Variants in ZNF844 observed in about 807,000 individuals in gnomAD.
ZNF844 encodes zinc finger protein 844.
In ZNF844, 11 loss-of-function variants were observed where a neutral mutation model predicts 11.4. That is an observed-to-expected ratio of 0.97 (90% CI 0.61 to 1.60). The LOEUF is 1.60. ZNF844 is among the 40% of genes most tolerant of loss of function. ZNF844 has a pLI of 0.00. For missense variants in ZNF844, 790 were observed against 796.8 expected, an observed-to-expected ratio of 0.99 and a Z score of 0.10; for synonymous variants, 248 against 260.3, an observed-to-expected ratio of 0.95 and a Z score of 0.46.
chr19:12,066,228 GGGTTTTTCAAAGGCA>G (rs1175096315), intron 1 of ZNF844, among the ~76,000 whole-genome samples: 2 of 151,760 alleles, frequency 1.3e-5, no homozygotes, highest in African/African-American at 4.8e-5. Context: ...ACTCGGCCAG[GGGTTTTTCAAAGGCA>G]GAATCGGGGA....
At chr19:12,074,499 TA>T (rs1485592520) in intron 3 of ZNF844, 78 bp downstream of exon 3, 1 of 998,312 alleles carries the variant, frequency 1.0e-6, no homozygotes, top group Admixed American at 2.7e-5. Context: ...AAGAAGCAAA[TA>T]AAGGAAATAT....
At position 12,075,398 on chromosome 19, in the gene ZNF844, A is replaced by G. The variant is rs1201003204; in HGVS notation, c.278A>G (p.Asn93Ser). The G allele has an allele frequency of 1.3e-6, 2 of 1,599,378 alleles. No individual in the cohort carries two copies. The highest frequency in any genetic ancestry group is 4.5e-5 in the East Asian group (2 of 44,414). Residue 93 changes from asparagine (N) to serine (S), a missense_variant, in exon 4 of 4, where the codon AAC (asparagine) becomes AGC (serine). Asn to Ser is a conservative substitution (Grantham distance 46, BLOSUM62 1). Coordinates refer to ENST00000439326, the MANE Select transcript of ZNF844 (RefSeq NM_001136501.3). Reference sequence around the variant, plus strand: ...AGCCAGATTCCAGATGACACACTGAACAAAAAAACTTCTCCTGGAGTAAAA... The same window carrying G: ...AGCCAGATTCCAGATGACACACTGAGCAAAAAAACTTCTCCTGGAGTAAAA... ...TSSQIPDDTL[N>S]KKTSPGVKSC...
Position 12,076,814 on chromosome 19 carries a change from A to C in ZNF844, c.1694A>C (p.Lys565Thr). 1 of 1,561,278 alleles carries C rather than the reference A, an allele frequency of 6.4e-7. No homozygotes were observed. The highest frequency in any genetic ancestry group is 8.7e-7 in the Non-Finnish European group (1 of 1,151,996). ...AGAAACCCTATAAGGAATATGGAAA[A>C]GCATTCAACAATTTCTCTTCCTTTC... is the stretch of plus-strand genomic sequence containing the variant. ...LERNPIRNME[K>T]HSTISLPFKY... is the part of the protein sequence containing the mutation. The change falls in exon 4 of 4, where the codon AAG (lysine) becomes ACG (threonine). Residue 565 changes from lysine to threonine, a missense_variant. Coordinates refer to ENST00000439326, the MANE Select transcript of ZNF844 (RefSeq NM_001136501.3).
intron 1 of ZNF844, among the ~76,000 whole-genome samples, chr19:12,069,934 C>A (rs1409798585): frequency 4.9e-5 from 6 of 122,322 alleles, no homozygotes; most frequent in Admixed American, 2.9e-4. Context: ...GTAGCCTGGA[C>A]AACAGTGAGA....
intron 1 of ZNF844, among the ~76,000 whole-genome samples, chr19:12,065,137 C>G (rs971465043): frequency 6.6e-6 from 1 of 152,026 alleles, no homozygotes; most frequent in African/African-American, 2.4e-5. Flanking sequence ...CCTCTCTGGA[C>G]AGCTCCGCGC....
In ZNF844 at chr19:12,076,310, T is replaced by C; in HGVS notation, c.1190T>C (p.Val397Ala). Reference sequence around the variant, plus strand: ...AGAAACCTTATGAATGCAAGCACTGTGGTAAAGCCTTCAATCGTTCCAGTT... The same window carrying C: ...AGAAACCTTATGAATGCAAGCACTGCGGTAAAGCCTTCAATCGTTCCAGTT... Reference protein sequence around the residue: ...LERNLMNASTVVKPSIVPVPF... With the variant: ...LERNLMNASTAVKPSIVPVPF... Residue 397 changes from valine to alanine, a missense_variant, in exon 4 of 4, where the codon GTG (valine) becomes GCG (alanine). By Grantham distance (64) the Val-to-Ala change is moderately conservative. Around this residue, in one of 3 missense-constraint regions of ZNF844, gnomAD observed 657 missense variants for 636.2 expected, o/e 1.03. Transcript: ENST00000439326. 6.2e-7 allele frequency: 1 copy of C among 1,613,870 alleles called. No homozygotes were observed. Among genetic ancestry groups the C allele is most frequent in the Non-Finnish European group, 8.5e-7 (1 of 1,179,862 alleles).
rs563121602 is a variant in ZNF844, at chr19:12,076,829, C to A, written c.1709C>A (p.Ser570Tyr). Residue 570 changes from serine (S) to tyrosine (Y), a missense_variant, in exon 4 of 4, where the codon TCT (serine) becomes TAT (tyrosine). Coordinates refer to ENST00000439326, the MANE Select transcript of ZNF844 (RefSeq NM_001136501.3). ...IRNMEKHSTI[S>Y]LPFKYMQQCT... ...AATATGGAAAAGCATTCAACAATTTCTCTTCCTTTCAAATACATGCAACAA... is the reference window on the plus strand; with the variant it reads ...AATATGGAAAAGCATTCAACAATTTATCTTCCTTTCAAATACATGCAACAA... 4.7e-5 allele frequency: 73 copies of A among 1,559,746 alleles called. 1 individual carries two copies. In the African/African-American group the frequency reaches 9.3e-4, roughly 20 times the overall value.
chr19:12,076,807 A>G lies in ZNF844; in HGVS notation c.1687A>G (p.Met563Val). The G allele has an allele frequency of 6.4e-7, 1 of 1,562,960 alleles. No individual in the cohort carries two copies. The highest frequency in any genetic ancestry group is 8.7e-7 in the Non-Finnish European group (1 of 1,152,800). Residue 563 changes from methionine to valine, a missense_variant, in exon 4 of 4, where the codon ATG becomes GTG. Physicochemically the swap from Met to Val is conservative, Grantham distance 21. Coordinates refer to ENST00000439326, the MANE Select transcript of ZNF844 (RefSeq NM_001136501.3). ...CCTGGAGAGAAACCCTATAAGGAAT[A>G]TGGAAAAGCATTCAACAATTTCTCT... ...HTLERNPIRNMEKHSTISLPF... is the reference protein window; with the variant it reads ...HTLERNPIRNVEKHSTISLPF...
chr19:12,068,730 C>T (rs1399982209), intron 1 of ZNF844, among the ~76,000 whole-genome samples: 1 of 152,216 alleles, frequency 6.6e-6, no homozygotes, highest in Admixed American at 6.5e-5. Flanking sequence ...TGATTAGATA[C>T]TTTTGCTTTC....
rs1420015450 is a variant in ZNF844, at chr19:12,064,860, C to G, written c.-14C>G. The G allele has an allele frequency of 9.7e-6, 15 of 1,549,786 alleles. No individual in the cohort carries two copies. The highest frequency in any genetic ancestry group is 1.3e-5 in the Non-Finnish European group (15 of 1,146,522). ...TGACTGCTTTGGACGTGGGAGTCAC[C>G]TGAAAGCCAGGAAATGGTGAGTGTG... is the stretch of plus-strand genomic sequence containing the variant. On this transcript the variant is annotated 5_prime_UTR_variant, in exon 1 of 4. Transcript: ENST00000439326.
chr19:12,073,775 C>T (rs886852495), intron 1 of ZNF844, among the ~76,000 whole-genome samples: 4 of 152,172 alleles, frequency 2.6e-5, no homozygotes, highest in East Asian at 1.9e-4. Context: ...GCCCAGGCAG[C>T]GCACCTTTCT....
chr19:12,064,731 A>T lies in ZNF844; in HGVS notation c.-143A>T, dbSNP rs1450712830. ...CGCGGGTCACATTGCCGTTCGCCTCAGTCTTTGGCCCCTCCCGCCGGGTGA... is the reference window on the plus strand; with the variant it reads ...CGCGGGTCACATTGCCGTTCGCCTCTGTCTTTGGCCCCTCCCGCCGGGTGA... On this transcript the variant is annotated 5_prime_UTR_variant, in exon 1 of 4. Transcript: ENST00000439326. The T allele has an allele frequency of 3.9e-6, 3 of 777,084 alleles. No homozygotes were observed. The highest frequency in any genetic ancestry group is 4.0e-6 in the Non-Finnish European group (2 of 498,446). 48.1% of individuals were successfully genotyped at this position (777,084 alleles called of 1,614,324 possible).
rs1029965705 is a variant in ZNF844, at chr19:12,077,230, G to C, written c.*109G>C. ...AAACCCTATGAGTGTAAGCAGTGTGGTAAAGCCTTCATTTCTTCCACTGCC... is the reference window on the plus strand; with the variant it reads ...AAACCCTATGAGTGTAAGCAGTGTGCTAAAGCCTTCATTTCTTCCACTGCC... On this transcript the variant is annotated 3_prime_UTR_variant, in exon 4 of 4. Coordinates refer to ENST00000439326, the MANE Select transcript of ZNF844 (RefSeq NM_001136501.3). The C allele has an allele frequency of 6.4e-7, 1 of 1,567,720 alleles. No individual in the cohort carries two copies. Among genetic ancestry groups the C allele is most frequent in the Non-Finnish European group, 8.8e-7 (1 of 1,141,708 alleles).
In ZNF844 at chr19:12,075,693, C is replaced by CA. The variant is rs1975802269; in HGVS notation, c.575dup (p.Asn192LysfsTer7). 1 of 1,613,656 alleles carries CA rather than the reference C, an allele frequency of 6.2e-7. No individual in the cohort carries two copies. Among genetic ancestry groups the CA allele is most frequent in the African/African-American group, 1.3e-5 (1 of 75,004 alleles). On this transcript the variant is annotated frameshift_variant, in exon 4 of 4. Transcript: ENST00000439326. LOFTEE classifies it low-confidence loss of function (END_TRUNC). ...GCATTCAAAGACACATGATAATGCACAATGGAGATGGAACTTATAAATGTA... is the reference window on the plus strand; with the variant it reads ...GCATTCAAAGACACATGATAATGCACAAATGGAGATGGAACTTATAAATGTA...
At chr19:12,074,610 A>G (rs1429088302) in intron 3 of ZNF844, among the ~76,000 whole-genome samples, 189 bp downstream of exon 3, 1 of 152,156 alleles carries the variant, frequency 6.6e-6, no homozygotes, top group African/African-American at 2.4e-5. Flanking sequence ...TGTAATTTCA[A>G]CTGTTTGGGA....
rs188731216 is a variant in ZNF844, at chr19:12,076,613, C to A, written c.1493C>A (p.Thr498Lys). The A allele has an allele frequency of 1.1e-4, 184 of 1,612,860 alleles. No individual in the cohort carries two copies. The African/African-American group carries it at 2.2e-3, about 20-fold the overall frequency. Residue 498 changes from threonine to lysine, a missense_variant, in exon 4 of 4, where the codon ACA becomes AAA. Coordinates refer to ENST00000439326, the MANE Select transcript of ZNF844 (RefSeq NM_001136501.3). Reference sequence around the variant, plus strand: ...CCTTTCGATATCATGAAAGGACTCACACTGGAGAGAAACCCTATGAGTGTA... The same window carrying A: ...CCTTTCGATATCATGAAAGGACTCAAACTGGAGAGAAACCCTATGAGTGTA... ...PLPFDIMKGL[T>K]LERNPMSVSN...
Position 12,076,300 on chromosome 19 carries a change from G to A in ZNF844, c.1180G>A (p.Ala394Thr). Reference protein sequence around the residue: ...ELTLERNLMNASTVVKPSIVP... With the variant: ...ELTLERNLMNTSTVVKPSIVP... The stretch of plus-strand genomic sequence containing the variant: ...CACACTGGAGAGAAACCTTATGAAT[G>A]CAAGCACTGTGGTAAAGCCTTCAAT... Residue 394 changes from alanine to threonine, a missense_variant, in exon 4 of 4, where the codon GCA (alanine) becomes ACA (threonine). Physicochemically the swap from Ala to Thr is moderately conservative, Grantham distance 58. Around this residue, in one of 3 missense-constraint regions of ZNF844, gnomAD observed 657 missense variants for 636.2 expected, o/e 1.03. Transcript: ENST00000439326. 2 of 1,613,806 alleles carry A rather than the reference G, an allele frequency of 1.2e-6. No homozygotes were observed. Among genetic ancestry groups the A allele is most frequent in the East Asian group, 2.2e-5 (1 of 44,860 alleles).
intron 1 of ZNF844, among the ~76,000 whole-genome samples, chr19:12,071,412 A>T (rs919214868): frequency 6.6e-6 from 1 of 152,250 alleles, no homozygotes; most frequent in Non-Finnish European, 1.5e-5. Flanking sequence ...ATTGAAAGTC[A>T]ATCAGATTTG....
Position 12,075,728 on chromosome 19 carries a change from G to A in ZNF844, c.608G>A (p.Gly203Glu), listed in dbSNP as rs1250244911. The stretch of plus-strand genomic sequence containing the variant: ...GGAACTTATAAATGTAAGTTTTGTG[G>A]GAAAGCCTGCCCTTGTCTCAGCATA... The part of the protein sequence containing the change: ...GDGTYKCKFC[G>E]KACPCLSIYL... The change falls in exon 4 of 4, where the codon GGG becomes GAG. Residue 203 changes from glycine (G) to glutamate (E), a missense_variant. Coordinates refer to ENST00000439326, the MANE Select transcript of ZNF844 (RefSeq NM_001136501.3). 9.3e-6 allele frequency: 15 copies of A among 1,613,768 alleles called. No individual in the cohort carries two copies. In the African/African-American group the frequency reaches 1.6e-4, roughly 17 times the overall value.
Sources: allele counts gnomAD v4.1 joint callset (sites outside exome capture counted in the v4.1 genomes callset), GRCh38; gene constraint gnomAD v4.1.1; regional missense constraint gnomAD v4.1.1; transcripts MANE v1.5; gene names NCBI Gene and HGNC (gene_info 2026-07-23, HGNC 2026-07-21).